Variants in PLA2G5 observed in about 807,000 individuals in gnomAD.
The protein encoded by PLA2G5 is Ca2+-dependent phospholipase A2.
PLA2G5 carries 12 observed loss-of-function variants against 15.9 expected under a neutral mutation model. That is an observed-to-expected ratio of 0.76 (90% CI 0.48 to 1.23). The LOEUF (loss-of-function observed/expected upper bound fraction) is 1.23. Ranked by LOEUF, PLA2G5 falls within the 50% of genes most tolerant of loss-of-function variation. The pLI, the probability that PLA2G5 is intolerant of heterozygous loss-of-function variation, is 0.00. For synonymous variants in PLA2G5, 71 were observed against 71.4 expected, an observed-to-expected ratio of 0.99 and a Z score of 0.03; for missense variants, 169 against 177.1, an observed-to-expected ratio of 0.95 and a Z score of 0.26.
intron 1 of PLA2G5, among the ~76,000 whole-genome samples, chr1:20,034,998 A>G (rs911963446): frequency 4.6e-5 from 7 of 152,140 alleles, no homozygotes; most frequent in African/African-American, 1.4e-4. Flanking sequence ...TCCACTCAGG[A>G]TCTGGAAGCA....
chr1:20,089,998 T>C (rs1295004828), intron 4 of PLA2G5, 103 bp downstream of exon 4: 2 of 785,870 alleles, frequency 2.5e-6, no homozygotes, highest in Non-Finnish European at 4.2e-6. Context: ...GGAGGAGGAG[T>C]TGGGTGCAGA....
chr1:20,073,877 A>G (rs1462450671), intron 1 of PLA2G5, among the ~76,000 whole-genome samples: 1 of 152,142 alleles, frequency 6.6e-6, no homozygotes, highest in Non-Finnish European at 1.5e-5. Context: ...CCAAAAAAAA[A>G]AGAAGATATG....
intron 4 of PLA2G5, 121 bp downstream of exon 4, chr1:20,090,016 C>T: frequency 2.9e-6 from 2 of 680,786 alleles, no homozygotes; most frequent in Non-Finnish European, 5.1e-6. Context: ...AGAACTGGGA[C>T]GAGAGGAGCA....
chr1:20,040,376 T>C (rs2013522943), intron 1 of PLA2G5, among the ~76,000 whole-genome samples: 1 of 152,208 alleles, frequency 6.6e-6, no homozygotes, highest in South Asian at 2.1e-4. Flanking sequence ...TGTTTTTGTT[T>C]TAGCACATCC....
intron 1 of PLA2G5, among the ~76,000 whole-genome samples, chr1:20,038,276 C>T (rs1214404242): frequency 6.6e-6 from 1 of 152,066 alleles, no homozygotes; most frequent in Non-Finnish European, 1.5e-5. Context: ...CACCACCACC[C>T]CCCAAAAAAA....
intron 1 of PLA2G5, among the ~76,000 whole-genome samples, chr1:20,074,920 T>G (rs1261838235): frequency 2.0e-5 from 3 of 152,136 alleles, no homozygotes; most frequent in Non-Finnish European, 2.9e-5. Context: ...CCCAATTCCC[T>G]CCCTTCTGTC....
intron 1 of PLA2G5, among the ~76,000 whole-genome samples, chr1:20,046,959 G>C (rs1032256713): frequency 2.0e-5 from 3 of 152,184 alleles, no homozygotes; most frequent in Non-Finnish European, 4.4e-5. Flanking sequence ...GTGAGAAACT[G>C]TTGTTTTCAT....
chr1:20,062,907 G>A (rs682210), intron 2 of PLA2G5, among the ~76,000 whole-genome samples: 75,209 of 151,968 alleles, frequency 0.49, 19,837 homozygotes, highest in African/African-American at 0.67. Flanking sequence ...CTGGGCCCCA[G>A]TCAACTCACC....
Position 20,090,842 on chromosome 1 carries a change from A to G in PLA2G5, c.*150A>G. On this transcript the variant is annotated 3_prime_UTR_variant, in exon 5 of 5. Coordinates refer to ENST00000375108, the MANE Select transcript of PLA2G5 (RefSeq NM_000929.3). Reference sequence around the variant, plus strand: ...TGGCGGACCCCCAGGGCCACACTGTACCCTCCAGCGAGTCCCAGGAGAGTG... The same window carrying G: ...TGGCGGACCCCCAGGGCCACACTGTGCCCTCCAGCGAGTCCCAGGAGAGTG... 1 of 753,590 alleles carries G rather than the reference A, an allele frequency of 1.3e-6. No homozygotes were observed. Among genetic ancestry groups the G allele is most frequent in the Non-Finnish European group, 2.2e-6 (1 of 453,358 alleles). The allele number at this position is 753,590 out of a possible 1,614,324, so 46.7% of individuals were successfully genotyped here. A position where few individuals can be genotyped will look rare whatever the true frequency, so the allele number is the denominator to read the frequency against.
At chr1:20,029,149 T>C (rs1420180997) in intron 1 of PLA2G5, among the ~76,000 whole-genome samples, 1 of 152,106 alleles carries the variant, frequency 6.6e-6, no homozygotes, top group African/African-American at 2.4e-5. Context: ...TTTTACTGAG[T>C]GGAAGTAGCT....
intron 1 of PLA2G5, among the ~76,000 whole-genome samples, chr1:20,035,510 G>A (rs2013196257): frequency 6.6e-6 from 1 of 152,154 alleles, no homozygotes; most frequent in Non-Finnish European, 1.5e-5. Flanking sequence ...TGCAGTTTGG[G>A]CTAACAATCT....
At chr1:20,069,056 C>A, upstream of PLA2G5, 1 of 581,450 alleles carries the variant, frequency 1.7e-6, no homozygotes, top group Non-Finnish European at 2.9e-6. Context: ...TGCTCAGTTG[C>A]ACCAACAGCT....
At chr1:20,031,078 G>T (rs1424415920) in intron 1 of PLA2G5, among the ~76,000 whole-genome samples, 1 of 152,174 alleles carries the variant, frequency 6.6e-6, no homozygotes, top group Admixed American at 6.5e-5. Context: ...AGGCTGTTTG[G>T]TTTTGGAGAG....
At position 20,089,882 on chromosome 1, in the gene PLA2G5, C is replaced by T. The variant is rs1387582322; in HGVS notation, c.279C>T (p.Gly93=). The T allele has an allele frequency of 6.2e-7, 1 of 1,612,648 alleles. No homozygotes were observed. The highest frequency in any genetic ancestry group is 8.5e-7 in the Non-Finnish European group (1 of 1,179,050). ...TQSYKYRFAW[G]VVTCEPGPFC... ...CCTACAAATACAGATTCGCGTGGGGCGTGGTCACCTGCGGTAAGGCTGGGG... is the reference window on the plus strand; with the variant it reads ...CCTACAAATACAGATTCGCGTGGGGTGTGGTCACCTGCGGTAAGGCTGGGG... The change falls in exon 4 of 5, where the codon GGC becomes GGT. Residue 93 remains glycine, a synonymous_variant. Coordinates refer to ENST00000375108, the MANE Select transcript of PLA2G5 (RefSeq NM_000929.3).
Position 20,089,791 on chromosome 1 carries a change from G to A in PLA2G5, c.188G>A (p.Cys63Tyr). 1 of 1,613,612 alleles carries A rather than the reference G, an allele frequency of 6.2e-7. No individual in the cohort carries two copies. The highest frequency in any genetic ancestry group is 8.5e-7 in the Non-Finnish European group (1 of 1,179,536). ...RGTPKDGTDW[C>Y]CWAHDHCYGR... The stretch of plus-strand genomic sequence containing the variant: ...ATCTAAGTCTCTTGCACGGACAGGT[G>A]CTGTTGGGCGCATGACCACTGCTAT... Residue 63 changes from cysteine (C) to tyrosine (Y), a missense_variant and splice_region_variant, in exon 4 of 5, where the codon TGC becomes TAC. By Grantham distance (194) the Cys-to-Tyr change is radical. Coordinates refer to ENST00000375108, the MANE Select transcript of PLA2G5 (RefSeq NM_000929.3).
In PLA2G5 at chr1:20,086,301, G is replaced by A. The variant is rs2234746; in HGVS notation, c.185+74G>A. On this transcript the variant is annotated intron_variant, in intron 3 of 4. Coordinates refer to ENST00000375108, the MANE Select transcript of PLA2G5 (RefSeq NM_000929.3). The stretch of plus-strand genomic sequence containing the variant: ...TGTTTTCTTATTCAATTCCATATCA[G>A]TTCTGGAAGATGAGTATTAAAGTAC... 1,248 of 1,476,886 alleles carry A rather than the reference G, an allele frequency of 8.5e-4. 16 individuals are homozygous for A. The Admixed American group carries it at 0.022, about 26-fold the overall frequency. 91.5% of individuals were successfully genotyped at this position (1,476,886 alleles called of 1,614,324 possible). A position where few individuals can be genotyped will look rare whatever the true frequency, so the allele number is the denominator to read the frequency against.
exon 2 of PLA2G5, chr1:20,059,679 A>G (rs1246631742): frequency 6.6e-6 from 1 of 152,214 alleles, no homozygotes; most frequent in Non-Finnish European, 1.5e-5. Context: ...ATGATGGCTA[A>G]GGCTTCCTTG....
chr1:20,056,367 TG>T (rs1256299003), intron 1 of PLA2G5, among the ~76,000 whole-genome samples: 4 of 152,068 alleles, frequency 2.6e-5, no homozygotes, highest in African/African-American at 9.7e-5. Flanking sequence ...GCTCAGTCTT[TG>T]GAACTCAATG....
intron 4 of PLA2G5, 132 bp from the exon 5 acceptor site, chr1:20,090,436 A>T (rs1164063415): frequency 1.1e-6 from 1 of 879,616 alleles, no homozygotes; most frequent in Non-Finnish European, 1.9e-6. Flanking sequence ...CAGATTCTCT[A>T]TTCCCCCGAT....
Sources: gnomAD v4.1 joint callset for allele counts (sites outside exome capture counted in the v4.1 genomes callset) on GRCh38, gnomAD v4.1.1 for gene constraint, MANE v1.5 for transcripts, NCBI Gene and HGNC (gene_info 2026-07-23, HGNC 2026-07-21) for gene names.